The following CAMTA1 variants were observed in gnomAD, a reference collection of about 807,000 sequenced individuals.
CAMTA1 encodes calmodulin binding transcription activator 1, also known as calmodulin-binding transcription activator 1.
CAMTA1 carries 27 observed loss-of-function variants against 170.9 expected under a neutral mutation model. That is an observed-to-expected ratio of 0.16 (90% CI 0.12 to 0.22). The LOEUF (loss-of-function observed/expected upper bound fraction) is 0.22, where lower values mean the gene tolerates loss of function less well. Among genes scored for constraint, CAMTA1 ranks in the 10% least tolerant of loss-of-function variants. CAMTA1 has a pLI of 1.00. For missense variants in CAMTA1, 1,619 were observed against 2,217.2 expected, an observed-to-expected ratio of 0.73 and a Z score of 5.42; for synonymous variants, 833 against 891.5, an observed-to-expected ratio of 0.93 and a Z score of 1.17.
chr1:6,912,621 C>T (rs915040783), intron 3 of CAMTA1, among the ~76,000 whole-genome samples: 1 of 152,216 alleles, frequency 6.6e-6, no homozygotes, highest in Non-Finnish European at 1.5e-5. Flanking sequence ...TCTGTCCCTC[C>T]GCAGGGGAGG....
chr1:7,069,015 G>A (rs2147894103), intron 3 of CAMTA1, among the ~76,000 whole-genome samples: 1 of 152,336 alleles, frequency 6.6e-6, no homozygotes, highest in African/African-American at 2.4e-5. Flanking sequence ...CGCAGGCCTG[G>A]CCTCCGCAGA....
intron 1 of CAMTA1, among the ~76,000 whole-genome samples, chr1:6,816,041 G>A (rs888926891): frequency 3.9e-5 from 6 of 152,030 alleles, no homozygotes; most frequent in African/African-American, 1.5e-4. Context: ...AAAATACTGA[G>A]GCCTGGGTCC....
In CAMTA1 at chr1:7,093,804, T is replaced by C. The variant is rs1010807; in HGVS notation, c.302+2433T>C. ...AGATGTGGTCAAGTCCGGGTTTGAGTCCTGGCTCCGTCACTCAGTGGCTTT... is the reference window on the plus strand; with the variant it reads ...AGATGTGGTCAAGTCCGGGTTTGAGCCCTGGCTCCGTCACTCAGTGGCTTT... On this transcript the variant is annotated intron_variant, in intron 4 of 22. Transcript: ENST00000303635. The surrounding 1 kb of genome is among the most constrained non-coding windows in gnomAD (Gnocchi z 4.6). 0.63 allele frequency among the ~76,000 whole-genome samples: 95,986 copies of C among 152,038 alleles called. 30,585 individuals carry two copies. Among genetic ancestry groups the C allele is most frequent in the Middle Eastern group, 0.72 (212 of 294 alleles).
At chr1:7,125,231 C>T (rs1183158491) in intron 4 of CAMTA1, among the ~76,000 whole-genome samples, 1 of 152,132 alleles carries the variant, frequency 6.6e-6, no homozygotes, top group African/African-American at 2.4e-5. Flanking sequence ...GGTCACCCTC[C>T]TCCACGTCAG....
At chr1:7,544,485 C>G (rs1404894005) in intron 6 of CAMTA1, among the ~76,000 whole-genome samples, 1 of 152,162 alleles carries the variant, frequency 6.6e-6, no homozygotes, top group Admixed American at 6.5e-5. Flanking sequence ...GTCTTTGTGC[C>G]AGGTCTCACC....
At chr1:7,724,163 G>A (rs75557051) in intron 11 of CAMTA1, among the ~76,000 whole-genome samples, 4,660 of 152,302 alleles carry the variant, frequency 0.031, 74 homozygotes, top group Middle Eastern at 0.034. Flanking sequence ...TGGAGAAACT[G>A]TCACAGATCC....
rs2096971826 is a variant in CAMTA1 at position 7,761,088 on chromosome 1, A to C, written c.4990-5371A>C. 2.0e-5 allele frequency among the ~76,000 whole-genome samples: 3 copies of C among 152,184 alleles called. No homozygotes were observed. The South Asian group carries it at 6.2e-4, about 31-fold the overall frequency. Reference sequence around the variant, plus strand: ...CATCACTTCAGTACATTACGATGCAACTTTTTGGGAAGGGGGAATTGAGAC... The same window carrying C: ...CATCACTTCAGTACATTACGATGCACCTTTTTGGGAAGGGGGAATTGAGAC... On this transcript the variant is annotated intron_variant, in intron 22 of 22. Coordinates refer to ENST00000303635, the MANE Select transcript of CAMTA1 (RefSeq NM_015215.4).
chr1:7,732,672 A>G lies in CAMTA1; in HGVS notation c.3066+73A>G. The stretch of plus-strand genomic sequence containing the variant: ...GGATTGGCGAGGCAGTGGATGGATC[A>G]CAGGCCTCTTCTCTGCTGCTGATGC... On this transcript the variant is annotated intron_variant, in intron 12 of 22. Coordinates refer to ENST00000303635, the MANE Select transcript of CAMTA1 (RefSeq NM_015215.4). This position sits in a 1 kb window ranked among gnomAD's most constrained non-coding sequence, Gnocchi z 4.1. 1 of 1,484,814 alleles carries G rather than the reference A, an allele frequency of 6.7e-7. No homozygotes were observed. Among genetic ancestry groups the G allele is most frequent in the Non-Finnish European group, 9.0e-7 (1 of 1,113,822 alleles). The allele number at this position is 1,484,814 out of a possible 1,614,324, so 92.0% of individuals were successfully genotyped here. A position where few individuals can be genotyped will look rare whatever the true frequency, so the allele number is the denominator to read the frequency against.
intron 3 of CAMTA1, among the ~76,000 whole-genome samples, chr1:6,903,882 C>T (rs965549043): frequency 2.0e-5 from 3 of 152,182 alleles, no homozygotes; most frequent in Non-Finnish European, 2.9e-5. Flanking sequence ...CTGTGGACAT[C>T]GCAGACCTTC....
At chr1:7,185,262 A>G (rs1383948906) in intron 4 of CAMTA1, among the ~76,000 whole-genome samples, 8 of 152,160 alleles carry the variant, frequency 5.3e-5, no homozygotes. Flanking sequence ...TCAGTAGTAA[A>G]CCTACCACCC....
rs1003594834 is a variant in CAMTA1 at position 7,216,258 on chromosome 1, C to T, written c.303-33233C>T. 1.3e-5 allele frequency among the ~76,000 whole-genome samples: 2 copies of T among 152,172 alleles called. No homozygotes were observed. The highest frequency in any genetic ancestry group is 4.8e-5 in the African/African-American group (2 of 41,446). ...GGGAAATCCTCCCCCATGATTCAGT[C>T]ACCTCCCCCAGGCTCTTCCTCCAAC... On this transcript the variant is annotated intron_variant, in intron 4 of 22. Coordinates refer to ENST00000303635, the MANE Select transcript of CAMTA1 (RefSeq NM_015215.4). This position sits in a 1 kb window ranked among gnomAD's most constrained non-coding sequence, Gnocchi z 4.0.
intron 5 of CAMTA1, among the ~76,000 whole-genome samples, chr1:7,321,673 G>A (rs1353767946): frequency 6.6e-6 from 1 of 152,164 alleles, no homozygotes; most frequent in Non-Finnish European, 1.5e-5. Flanking sequence ...AGCCATCCCA[G>A]TAGAGAGTTC....
rs545649376 is a variant in CAMTA1, at chr1:7,724,554, C to G, written c.2915-7894C>G. Among the ~76,000 whole-genome samples the G allele has an allele frequency of 4.6e-5, 7 of 152,182 alleles. No individual in the cohort carries two copies. In the South Asian group the frequency reaches 1.5e-3, roughly 32 times the overall value. On this transcript the variant is annotated intron_variant, in intron 11 of 22. Transcript: ENST00000303635. Reference sequence around the variant, plus strand: ...CCTTCAAAAGATTGCATGTATGGGCCGGGCGCGGTGGCTCACGCCTGTAAT... The same window carrying G: ...CCTTCAAAAGATTGCATGTATGGGCGGGGCGCGGTGGCTCACGCCTGTAAT...
In CAMTA1 at chr1:7,456,680, T is replaced by C. The variant is rs1297583199; in HGVS notation, c.439-11150T>C. Among the ~76,000 whole-genome samples the C allele has an allele frequency of 1.3e-5, 2 of 152,218 alleles. No individual in the cohort carries two copies. The highest frequency in any genetic ancestry group is 4.8e-5 in the African/African-American group (2 of 41,462). The stretch of plus-strand genomic sequence containing the variant: ...GGAGCCAGGTATCAGGACAGATTTC[T>C]GAGACACGAAAGGTGCAGGTCTCCA... On this transcript the variant is annotated intron_variant, in intron 5 of 22. Coordinates refer to ENST00000303635, the MANE Select transcript of CAMTA1 (RefSeq NM_015215.4). This position sits in a 1 kb window ranked among gnomAD's most constrained non-coding sequence, Gnocchi z 4.9.
chr1:7,713,959 A>G (rs1558199042), intron 11 of CAMTA1, among the ~76,000 whole-genome samples: 2 of 152,198 alleles, frequency 1.3e-5, no homozygotes, highest in African/African-American at 4.8e-5. Context: ...GGGGGTCCAC[A>G]CTGAAGAGGC....
chr1:6,851,613 T>G (rs1195136520), intron 3 of CAMTA1, among the ~76,000 whole-genome samples: 1 of 152,162 alleles, frequency 6.6e-6, no homozygotes, highest in Non-Finnish European at 1.5e-5. Context: ...GTGCGGTGGC[T>G]CACTCCTGTG....
Position 7,565,283 on chromosome 1 carries a change from C to G in CAMTA1, c.511-75117C>G, listed in dbSNP as rs187514014. Among the ~76,000 whole-genome samples, 4 of 152,124 alleles carry G rather than the reference C, an allele frequency of 2.6e-5. No individual in the cohort carries two copies. Among genetic ancestry groups the G allele is most frequent in the South Asian group, 4.1e-4 (2 of 4,828 alleles). ...TAAAGGGCTGGAGAAGTGGGCGCTGCCTTTGGGGCCCACGGGCCTATGGGG... is the reference window on the plus strand; with the variant it reads ...TAAAGGGCTGGAGAAGTGGGCGCTGGCTTTGGGGCCCACGGGCCTATGGGG... On this transcript the variant is annotated intron_variant, in intron 6 of 22. Transcript: ENST00000303635. This position sits in a 1 kb window ranked among gnomAD's most constrained non-coding sequence, Gnocchi z 4.5.
intron 6 of CAMTA1, among the ~76,000 whole-genome samples, chr1:7,483,626 C>A (rs959534443): frequency 6.6e-6 from 1 of 152,314 alleles, no homozygotes; most frequent in East Asian, 1.9e-4. Flanking sequence ...GCTGCCGGGG[C>A]CCAGCGTCCT....
chr1:7,676,787 A>G (rs2096125259), intron 10 of CAMTA1, among the ~76,000 whole-genome samples: 1 of 152,232 alleles, frequency 6.6e-6, no homozygotes, highest in Admixed American at 6.5e-5. Context: ...GCCACAGGCC[A>G]GCCCCCAAGA....
Sources: gnomAD v4.1 joint callset for allele counts (sites outside exome capture counted in the v4.1 genomes callset) on GRCh38, gnomAD v4.1.1 for gene constraint, Gnocchi (gnomAD v3.1) non-coding constraint, MANE v1.5 for transcripts, NCBI Gene and HGNC (gene_info 2026-07-23, HGNC 2026-07-21) for gene names.